The following PAPPA variants were observed in gnomAD, a reference collection of about 807,000 sequenced individuals.
PAPPA encodes the protein pappalysin 1.
Under a neutral mutation model 164.0 loss-of-function variants are expected in PAPPA, and 60 were observed. That is an observed-to-expected ratio of 0.37 (90% CI 0.30 to 0.45). The LOEUF (loss-of-function observed/expected upper bound fraction) is 0.45. Among genes scored for constraint, PAPPA ranks in the 20% least tolerant of loss-of-function variants. PAPPA has a pLI of 1.00. For missense variants in PAPPA, 1,782 were observed against 2,087.3 expected, an observed-to-expected ratio of 0.85 and a Z score of 2.85; for synonymous variants, 875 against 814.1, an observed-to-expected ratio of 1.07 and a Z score of -1.27.
chr9:116,264,099 G>C (rs375956003), intron 7 of PAPPA, among the ~76,000 whole-genome samples: 7 of 152,044 alleles, frequency 4.6e-5, no homozygotes, highest in African/African-American at 7.3e-5. Flanking sequence ...CATAATACAA[G>C]GCATGTCATA....
At chr9:116,363,433 C>T (rs561552542) in intron 18 of PAPPA, among the ~76,000 whole-genome samples, 30 of 152,224 alleles carry the variant, frequency 2.0e-4, no homozygotes, top group African/African-American at 7.0e-4. Flanking sequence ...CAGGCCAGCT[C>T]GAGAAATACA....
At chr9:116,375,754 G>A (rs1846640953) in intron 19 of PAPPA, among the ~76,000 whole-genome samples, 1 of 152,014 alleles carries the variant, frequency 6.6e-6, no homozygotes. Context: ...CTGCCCTCAG[G>A]GAGAGAATAG....
chr9:116,212,764 G>A (rs2118687675), intron 4 of PAPPA, among the ~76,000 whole-genome samples: 1 of 152,234 alleles, frequency 6.6e-6, no homozygotes, highest in East Asian at 1.9e-4. Flanking sequence ...GAGGGCTGGA[G>A]GGAAGGAAGG....
intron 10 of PAPPA, among the ~76,000 whole-genome samples, chr9:116,330,412 C>T (rs183338351): frequency 1.3e-5 from 2 of 152,028 alleles, no homozygotes; most frequent in East Asian, 1.9e-4. Context: ...ATCATTTTGT[C>T]CCAGAGTGTT....
At position 116,347,053 on chromosome 9, in the gene PAPPA, A is replaced by G. The variant is rs1039892931; in HGVS notation, c.3808A>G (p.Thr1270Ala). 2 of 1,614,026 alleles carry G rather than the reference A, an allele frequency of 1.2e-6. No individual in the cohort carries two copies. Among genetic ancestry groups the G allele is most frequent in the Non-Finnish European group, 1.7e-6 (2 of 1,179,934 alleles). Reference protein sequence around the residue: ...QTGPSVTVTCTEGKWNKQVAC... With the variant: ...QTGPSVTVTCAEGKWNKQVAC... Reference sequence around the variant, plus strand: ...GGGACCCAGCGTCACAGTGACCTGTACAGAGGGCAAGTGGAATAAGCAGGT... The same window carrying G: ...GGGACCCAGCGTCACAGTGACCTGTGCAGAGGGCAAGTGGAATAAGCAGGT... The change falls in exon 15 of 22, where the codon ACA (threonine) becomes GCA (alanine). Residue 1270 changes from threonine (T) to alanine (A), a missense_variant. Thr to Ala is a moderately conservative substitution (Grantham distance 58, BLOSUM62 0). Transcript: ENST00000328252. This position sits in a 1 kb window ranked among gnomAD's most constrained non-coding sequence, Gnocchi z 4.5.
chr9:116,169,408 C>T (rs1219658751), intron 1 of PAPPA, among the ~76,000 whole-genome samples: 2 of 146,316 alleles, frequency 1.4e-5, no homozygotes, highest in African/African-American at 2.5e-5. Context: ...CAACCTCCAC[C>T]TCCCGAGGTC....
chr9:116,333,244 A>T (rs1470679196), intron 12 of PAPPA, among the ~76,000 whole-genome samples: 1 of 152,186 alleles, frequency 6.6e-6, no homozygotes, highest in Non-Finnish European at 1.5e-5. Flanking sequence ...CACATCACTT[A>T]GAGGCTCACT....
At chr9:116,259,211 C>A (rs1227836312) in intron 7 of PAPPA, among the ~76,000 whole-genome samples, 1 of 151,406 alleles carries the variant, frequency 6.6e-6, no homozygotes, top group African/African-American at 2.4e-5. Flanking sequence ...AGGTAACAAA[C>A]AAAACCTTAA....
At chr9:116,179,129 G>A (rs34405819) in intron 1 of PAPPA, among the ~76,000 whole-genome samples, 7,306 of 152,248 alleles carry the variant, frequency 0.048, 570 homozygotes, top group African/African-American at 0.16. Flanking sequence ...GAAGTATACA[G>A]GATAAGATTC....
At chr9:116,225,304 T>C (rs1844492555) in intron 5 of PAPPA, among the ~76,000 whole-genome samples, 1 of 152,246 alleles carries the variant, frequency 6.6e-6, no homozygotes, top group African/African-American at 2.4e-5. Context: ...TCTCCACTCC[T>C]ACTTTTCTGC....
intron 9 of PAPPA, among the ~76,000 whole-genome samples, chr9:116,298,590 GTC>G (rs1845539172): frequency 6.6e-6 from 1 of 152,202 alleles, no homozygotes; most frequent in Non-Finnish European, 1.5e-5. Flanking sequence ...CTAAGACATA[GTC>G]TAAAGAAAAT....
In PAPPA at chr9:116,398,479, T is replaced by TAAAAAAAAAAAAAAAAAA; in HGVS notation, c.*1880_*1881insAAAAAAAAAAAAAAAAAA. Reference sequence around the variant, plus strand: ...GGTGTTGTTAATCTATCATAGCACTTAAAAAAAAAAAAAAAAAGAGACCAA... The same window carrying TAAAAAAAAAAAAAAAAAA: ...GGTGTTGTTAATCTATCATAGCACTTAAAAAAAAAAAAAAAAAAAAAAAAAAAAAAAAAAAGAGACCAA... On this transcript the variant is annotated 3_prime_UTR_variant, in exon 22 of 22. Coordinates refer to ENST00000328252, the MANE Select transcript of PAPPA (RefSeq NM_002581.5). The TAAAAAAAAAAAAAAAAAA allele has an allele frequency of 1.5e-6, 1 of 669,220 alleles. No homozygotes were observed. Among genetic ancestry groups the TAAAAAAAAAAAAAAAAAA allele is most frequent in the Non-Finnish European group, 2.0e-6 (1 of 489,674 alleles). The allele number at this position is 669,220 out of a possible 1,614,324, so 41.5% of individuals were successfully genotyped here.
intron 21 of PAPPA, among the ~76,000 whole-genome samples, chr9:116,390,405 T>C (rs1167402341): frequency 6.6e-6 from 1 of 151,974 alleles, no homozygotes; most frequent in African/African-American, 2.4e-5. Context: ...GCCCAGAGCA[T>C]GGTGCAAGGG....
intron 10 of PAPPA, among the ~76,000 whole-genome samples, chr9:116,330,239 C>A (rs1309771624): frequency 6.6e-6 from 1 of 152,136 alleles, no homozygotes; most frequent in Non-Finnish European, 1.5e-5. Flanking sequence ...TTTGGGATGA[C>A]CTTCTACCAA....
intron 10 of PAPPA, among the ~76,000 whole-genome samples, chr9:116,307,370 C>T (rs760810064): frequency 5.3e-5 from 8 of 151,992 alleles, no homozygotes; most frequent in East Asian, 3.9e-4. Flanking sequence ...GAGGCTGAGG[C>T]GGGCGGATCA....
In PAPPA at chr9:116,235,157, A is replaced by T; in HGVS notation, c.2252A>T (p.Gln751Leu). 6.2e-7 allele frequency: 1 copy of T among 1,614,198 alleles called. No individual in the cohort carries two copies. Among genetic ancestry groups the T allele is most frequent in the Non-Finnish European group, 8.5e-7 (1 of 1,180,016 alleles). ...REAEGHPDVE[Q>L]PCKSSVRTWS... is the part of the protein sequence containing the mutation. ...TGCATAGGTCATCCTGATGTTGAAC[A>T]GCCCTGTAAGTCCAGTGTCCGCACC... The change falls in exon 7 of 22, where the codon CAG becomes CTG. Residue 751 changes from glutamine (Q) to leucine (L), a missense_variant. Physicochemically the swap from Gln to Leu is moderately radical, Grantham distance 113. This residue lies in a region of PAPPA where 1,324 missense variants were observed against 1,656.9 expected (regional missense o/e 0.80). Transcript: ENST00000328252.
intron 9 of PAPPA, among the ~76,000 whole-genome samples, chr9:116,294,894 A>G (rs916310503): frequency 6.6e-6 from 1 of 152,240 alleles, no homozygotes; most frequent in African/African-American, 2.4e-5. Flanking sequence ...ATAGAAATAG[A>G]TGCTAATTTC....
chr9:116,304,679 A>AG (rs35879582), intron 10 of PAPPA, among the ~76,000 whole-genome samples: 2 of 152,114 alleles, frequency 1.3e-5, no homozygotes, highest in Non-Finnish European at 2.9e-5. Context: ...CAATCTTGTA[A>AG]GGGGGGGCTG....
intron 8 of PAPPA, among the ~76,000 whole-genome samples, chr9:116,267,808 G>A (rs1845086430): frequency 6.7e-6 from 1 of 149,640 alleles, no homozygotes; most frequent in African/African-American, 2.5e-5. Context: ...CCGGGAAGCG[G>A]AGCTTGCAGT....
Sources: gnomAD v4.1 joint callset for allele counts (sites outside exome capture counted in the v4.1 genomes callset) on GRCh38, gnomAD v4.1.1 for gene constraint, gnomAD v4.1.1 regional missense constraint, Gnocchi (gnomAD v3.1) non-coding constraint, MANE v1.5 for transcripts, NCBI Gene and HGNC (gene_info 2026-07-23, HGNC 2026-07-21) for gene names.